The following ZNF573 variants were observed in gnomAD, a reference collection of about 807,000 sequenced individuals.
ZNF573 encodes the protein zinc finger protein 573.
Under a neutral mutation model 57.4 loss-of-function variants are expected in ZNF573, and 41 were observed. That is an observed-to-expected ratio of 0.71 (90% CI 0.56 to 0.93). ZNF573 has a LOEUF of 0.93. ZNF573 is among the 40% of genes least tolerant of loss of function. ZNF573 has a pLI of 0.00. For missense variants in ZNF573, 730 were observed against 794.8 expected, an observed-to-expected ratio of 0.92 and a Z score of 0.98; for synonymous variants, 249 against 261.0, an observed-to-expected ratio of 0.95 and a Z score of 0.44.
chr19:37,755,089 C>T (rs1487343098), intron 4 of ZNF573: 3 of 152,242 alleles, frequency 2.0e-5, no homozygotes, highest in Non-Finnish European at 2.9e-5. Flanking sequence ...CCTGCCTCAG[C>T]CTCCTGAGTA....
At chr19:37,740,476 A>G (rs766100702) in intron 4 of ZNF573, 18 of 463,924 alleles carry the variant, frequency 3.9e-5, no homozygotes, top group Non-Finnish European at 6.9e-5. Flanking sequence ...TCAAAGACCA[A>G]GTGAATTAAA....
At chr19:37,744,347 G>A (rs2045357591) in intron 4 of ZNF573, among the ~76,000 whole-genome samples, 1 of 151,950 alleles carries the variant, frequency 6.6e-6, no homozygotes, top group Admixed American at 6.6e-5. Context: ...CACATGGTTT[G>A]AATGAGAAGG....
intron 4 of ZNF573, among the ~76,000 whole-genome samples, chr19:37,757,342 G>A (rs570842344): frequency 6.8e-4 from 103 of 152,076 alleles, no homozygotes; most frequent in African/African-American, 2.3e-3. Context: ...GACTACAGGC[G>A]CCCGCCACCG....
rs1416096636 is a variant in ZNF573 at position 37,740,125 on chromosome 19, G to A, written c.365C>T (p.Thr122Ile). The A allele has an allele frequency of 5.0e-6, 8 of 1,613,358 alleles. No individual in the cohort carries two copies. The highest frequency in any genetic ancestry group is 5.1e-6 in the Non-Finnish European group (6 of 1,179,544). Residue 122 changes from threonine (T) to isoleucine (I), a missense_variant, in exon 5 of 5, where the codon ACA (threonine) becomes ATA (isoleucine). Coordinates refer to ENST00000536220, the MANE Select transcript of ZNF573 (RefSeq NM_001172690.2). ...TCTCTTATATATGCTCTGAAGTTGT[G>A]TAGAGGATATATCTGTTTCATAAGT... ...VPTYETDISS[T>I]QLQSIYKREK...
chr19:37,746,736 T>A (rs187708695), intron 4 of ZNF573, among the ~76,000 whole-genome samples: 4 of 152,162 alleles, frequency 2.6e-5, no homozygotes, highest in Admixed American at 6.5e-5. Context: ...GACCCGCGCC[T>A]CCACGCCCAG....
intron 4 of ZNF573, chr19:37,755,130 C>T (rs11665877): frequency 0.15 from 22,929 of 152,090 alleles, 2,090 homozygotes; most frequent in Non-Finnish European, 0.21. Flanking sequence ...CCACCACGCC[C>T]GGATAATTTT....
At position 37,739,878 on chromosome 19, in the gene ZNF573, C is replaced by G. The variant is rs1568414653; in HGVS notation, c.612G>C (p.Gln204His). 13 of 1,613,896 alleles carry G rather than the reference C, an allele frequency of 8.1e-6. 1 individual carries two copies. The highest frequency in any genetic ancestry group is 9.3e-6 in the Non-Finnish European group (11 of 1,179,930). The change falls in exon 5 of 5, where the codon CAG becomes CAC. Residue 204 changes from glutamine to histidine, a missense_variant. Gln to His is a conservative substitution (Grantham distance 24). Transcript: ENST00000536220. ...ECGKNFRSGY[Q>H]LTVHQRFHTG... ...TATGAAATCTCTGATGCACAGTCAG[C>G]TGATAACCACTTCTAAAGTTCTTCC...
At chr19:37,751,052 A>G (rs2045430045) in intron 4 of ZNF573, among the ~76,000 whole-genome samples, 1 of 150,866 alleles carries the variant, frequency 6.6e-6, no homozygotes, top group African/African-American at 2.4e-5. Flanking sequence ...TATACTGTCT[A>G]TAGTAGTATA....
At chr19:37,773,091 T>C (rs1205843941) in intron 2 of ZNF573, 11 of 565,236 alleles carry the variant, frequency 1.9e-5, no homozygotes, top group Non-Finnish European at 2.5e-5. Flanking sequence ...GGATGACTCA[T>C]AATAAAAAAA....
intron 4 of ZNF573, among the ~76,000 whole-genome samples, chr19:37,742,029 C>T (rs1056963969): frequency 6.6e-6 from 1 of 152,020 alleles, no homozygotes; most frequent in African/African-American, 2.4e-5. Flanking sequence ...TTTACACCAA[C>T]AATAGACAAG....
At position 37,738,571 on chromosome 19, in the gene ZNF573, C is replaced by T. The variant is rs1466653262; in HGVS notation, c.1919G>A (p.Cys640Tyr). The change falls in exon 5 of 5, where the codon TGT becomes TAT. Residue 640 changes from cysteine to tyrosine, a missense_variant. Coordinates refer to ENST00000536220, the MANE Select transcript of ZNF573 (RefSeq NM_001172690.2). ...RIHTGEKPYV[C>Y]KQCGKTFRYG... is the part of the protein sequence containing the mutation. ...TCTGAAGGTTTTCCCACACTGCTTA[C>T]ACACATAGGGTTTCTCACCAGTATG... The T allele has an allele frequency of 1.2e-6, 2 of 1,602,114 alleles. No individual in the cohort carries two copies. Among genetic ancestry groups the T allele is most frequent in the African/African-American group, 2.7e-5 (2 of 74,426 alleles).
chr19:37,761,444 GA>G (rs2045552440), intron 4 of ZNF573, among the ~76,000 whole-genome samples: 1 of 152,042 alleles, frequency 6.6e-6, no homozygotes, highest in South Asian at 2.1e-4. Flanking sequence ...ATAAAGACTA[GA>G]AGCCCTCTTC....
intron 4 of ZNF573, 41 bp from the exon 5 acceptor site, chr19:37,740,235 T>C (rs368086877): frequency 6.7e-7 from 1 of 1,500,892 alleles, no homozygotes; most frequent in Non-Finnish European, 8.9e-7. Context: ...TGTATTTCTA[T>C]ACCAGAGAAC....
intron 4 of ZNF573, among the ~76,000 whole-genome samples, chr19:37,744,845 G>A (rs1046346714): frequency 2.0e-5 from 3 of 151,476 alleles, no homozygotes; most frequent in Non-Finnish European, 4.4e-5. Context: ...GCAGTGGTGC[G>A]ATCTCGGCTC....
At chr19:37,770,832 T>TTATATATATA (rs58757674) in intron 3 of ZNF573, among the ~76,000 whole-genome samples, 1,929 of 93,158 alleles carry the variant, frequency 0.021, 77 homozygotes, top group African/African-American at 0.026. Flanking sequence ...TTAAGTTATT[T>TTATATATATA]TATATATATA....
At chr19:37,763,259 T>C (rs926872898) in intron 4 of ZNF573, among the ~76,000 whole-genome samples, 13 of 151,482 alleles carry the variant, frequency 8.6e-5, no homozygotes, top group African/African-American at 3.1e-4. Context: ...GTTATATATA[T>C]ATATATTATA....
chr19:37,754,632 TC>T (rs1389494651), intron 4 of ZNF573, among the ~76,000 whole-genome samples: 7 of 150,882 alleles, frequency 4.6e-5, no homozygotes, highest in Admixed American at 3.3e-4. Flanking sequence ...TTGCTTGCAT[TC>T]CAGAAAAAAA....
chr19:37,776,404 A>G (rs1399253655), intron 1 of ZNF573, among the ~76,000 whole-genome samples: 1 of 152,226 alleles, frequency 6.6e-6, no homozygotes, highest in Admixed American at 6.5e-5. Flanking sequence ...TATTCAAAAA[A>G]TGGTACTGGG....
At chr19:37,752,413 T>A (rs2045446864) in intron 4 of ZNF573, among the ~76,000 whole-genome samples, 1 of 152,168 alleles carries the variant, frequency 6.6e-6, no homozygotes, top group African/African-American at 2.4e-5. Context: ...TAGAATATTA[T>A]TCAGCCATAA....
Sources: gnomAD v4.1 joint callset for allele counts (sites outside exome capture counted in the v4.1 genomes callset) on GRCh38, gnomAD v4.1.1 for gene constraint, MANE v1.5 for transcripts, NCBI Gene and HGNC (gene_info 2026-07-23, HGNC 2026-07-21) for gene names.